GRM5: variants seen among roughly 807,000 people sequenced by gnomAD.
GRM5 encodes glutamate metabotropic receptor 5.
GRM5 carries 19 observed loss-of-function variants against 83.1 expected under a neutral mutation model. The ratio of observed to expected loss-of-function variants is 0.23; its 90% CI spans 0.16 to 0.34. The LOEUF (loss-of-function observed/expected upper bound fraction) is 0.34, where lower values mean the gene tolerates loss of function less well. GRM5 is among the 10% of genes least tolerant of loss of function. GRM5 has a pLI of 1.00. For synonymous variants in GRM5, 675 were observed against 633.6 expected (o/e 1.07, Z -0.98); for missense variants, 1,160 against 1,588.3 (o/e 0.73, Z 4.58).
At chr11:88,548,523 T>A (rs1942432061) in intron 8 of GRM5, among the ~76,000 whole-genome samples, 1 of 152,180 alleles carries the variant, frequency 6.6e-6, no homozygotes, top group South Asian at 2.1e-4. Context: ...TTCATCAAAA[T>A]CATCCAGACA....
intron 2 of GRM5, among the ~76,000 whole-genome samples, chr11:88,981,620 C>T (rs1939526799): frequency 6.6e-6 from 1 of 151,676 alleles, no homozygotes; most frequent in South Asian, 2.1e-4. Flanking sequence ...AAAATTATTT[C>T]TCTACCCCCC....
chr11:88,962,005 T>A (rs1938798721), intron 2 of GRM5, among the ~76,000 whole-genome samples: 1 of 152,172 alleles, frequency 6.6e-6, no homozygotes. Flanking sequence ...CCACAAAAAC[T>A]TGCAAGGCAT....
At chr11:88,869,564 A>G (rs1029616331) in intron 2 of GRM5, among the ~76,000 whole-genome samples, 6 of 151,386 alleles carry the variant, frequency 4.0e-5, no homozygotes, top group Non-Finnish European at 7.4e-5. Flanking sequence ...AATTTATATT[A>G]ATAAAGTATA....
Position 88,508,176 on chromosome 11 carries a change from T to A in GRM5, c.*416A>T, listed in dbSNP as rs1941230466. On this transcript the variant is annotated 3_prime_UTR_variant, in exon 10 of 10. Coordinates refer to ENST00000305447, the MANE Select transcript of GRM5 (RefSeq NM_001143831.3). This position sits in a 1 kb window ranked among gnomAD's most constrained non-coding sequence, Gnocchi z 4.2. ...AAAATGTACATTCATGTTTGGTGAATCAAAGACTCTTCTGGGAAAAGAATT... is the reference window on the plus strand; with the variant it reads ...AAAATGTACATTCATGTTTGGTGAAACAAAGACTCTTCTGGGAAAAGAATT... 1 of 154,146 alleles carries A rather than the reference T, an allele frequency of 6.5e-6. No individual in the cohort carries two copies. The highest frequency in any genetic ancestry group is 2.1e-4 in the South Asian group (1 of 4,844). 9.5% of individuals were successfully genotyped at this position (154,146 alleles called of 1,614,324 possible).
chr11:88,619,037 C>T (rs1047199612), intron 4 of GRM5, among the ~76,000 whole-genome samples: 3 of 152,156 alleles, frequency 2.0e-5, no homozygotes, highest in Admixed American at 6.5e-5. Flanking sequence ...GACCACTTAA[C>T]ATTCACTCCT....
At chr11:88,829,535 A>C (rs1416976509) in intron 3 of GRM5, among the ~76,000 whole-genome samples, 1 of 152,176 alleles carries the variant, frequency 6.6e-6, no homozygotes, top group African/African-American at 2.4e-5. Context: ...TACCAAAGAG[A>C]GTATCTAAAA....
At chr11:88,732,894 G>A (rs974846380) in intron 3 of GRM5, among the ~76,000 whole-genome samples, 10 of 151,998 alleles carry the variant, frequency 6.6e-5, no homozygotes, top group African/African-American at 2.4e-4. Context: ...CTGAGTGGCA[G>A]GGATAGATGC....
Position 88,509,139 on chromosome 11 carries a change from G to T in GRM5, c.3092C>A (p.Ser1031Ter). 1 of 1,540,944 alleles carries T rather than the reference G, an allele frequency of 6.5e-7. No homozygotes were observed. Among genetic ancestry groups the T allele is most frequent in the Non-Finnish European group, 8.7e-7 (1 of 1,144,404 alleles). ...PISTLSHRAG[S>*]ASRTDDDVPS... ...CACATCGTCGTCCGTGCGGCTGGCC[G>T]AGCCCGCGCGGTGGCTCAGCGTGCT... The change falls in exon 10 of 10, where the codon TCG becomes TAG. Residue 1031 changes from serine to a stop codon, truncating the protein, a stop_gained. Coordinates refer to ENST00000305447, the MANE Select transcript of GRM5 (RefSeq NM_001143831.3). LOFTEE classifies it low-confidence loss of function (END_TRUNC).
In GRM5 at chr11:88,554,813, A is replaced by G. The variant is rs115831942; in HGVS notation, c.2630+12240T>C. Among the ~76,000 whole-genome samples, 1,293 of 152,260 alleles carry G rather than the reference A, an allele frequency of 8.5e-3. 21 individuals carry two copies. Among genetic ancestry groups the G allele is most frequent in the African/African-American group, 0.03 (1,239 of 41,570 alleles). ...TTTTCACATAATCTCTGAGACTGCTATGGAATTTACCAGATGGGCAGAGTG... is the reference window on the plus strand; with the variant it reads ...TTTTCACATAATCTCTGAGACTGCTGTGGAATTTACCAGATGGGCAGAGTG... On this transcript the variant is annotated intron_variant, in intron 8 of 9. Coordinates refer to ENST00000305447, the MANE Select transcript of GRM5 (RefSeq NM_001143831.3).
intron 2 of GRM5, among the ~76,000 whole-genome samples, chr11:88,942,141 T>C (rs1314208425): frequency 1.3e-5 from 2 of 152,098 alleles, no homozygotes; most frequent in South Asian, 2.1e-4. Context: ...ATGGCCTGTG[T>C]ATAATGATAG....
At chr11:88,557,885 A>C (rs142044400) in intron 8 of GRM5, among the ~76,000 whole-genome samples, 295 of 151,782 alleles carry the variant, frequency 1.9e-3, no homozygotes, top group African/African-American at 6.8e-3. Context: ...TATTTCTCCT[A>C]ATGCTATCCC....
chr11:88,928,665 GA>G (rs1474141727), intron 2 of GRM5, among the ~76,000 whole-genome samples: 1 of 151,752 alleles, frequency 6.6e-6, no homozygotes, highest in African/African-American at 2.4e-5. Flanking sequence ...AAACACATTG[GA>G]AGGACTAGTT....
At chr11:88,887,923 C>T (rs991378793) in intron 2 of GRM5, among the ~76,000 whole-genome samples, 1 of 152,016 alleles carries the variant, frequency 6.6e-6, no homozygotes, top group African/African-American at 2.4e-5. Context: ...GAGAATAATT[C>T]CCCAAAATGA....
intron 7 of GRM5, among the ~76,000 whole-genome samples, chr11:88,573,384 C>T (rs547357489): frequency 3.9e-5 from 6 of 152,128 alleles, no homozygotes; most frequent in Non-Finnish European, 8.8e-5. Context: ...ATTAATATTC[C>T]TGTAGTTACT....
At chr11:88,997,904 T>A (rs181656430) in intron 2 of GRM5, among the ~76,000 whole-genome samples, 2 of 152,254 alleles carry the variant, frequency 1.3e-5, no homozygotes, top group East Asian at 3.9e-4. Context: ...ATTTTATACA[T>A]TCTCTTTCAG....
At position 88,924,426 on chromosome 11, in the gene GRM5, T is replaced by A. The variant is rs185289127; in HGVS notation, c.662-74271A>T. ...ACTCAAGTGTCCATCAGTGGATAAA[T>A]AAATTGTTATTTTATATATACATAC... On this transcript the variant is annotated intron_variant, in intron 2 of 9. Transcript: ENST00000305447. Among the ~76,000 whole-genome samples the A allele has an allele frequency of 8.2e-3, 1,245 of 152,146 alleles. 13 individuals are homozygous for A. The highest frequency in any genetic ancestry group is 0.029 in the African/African-American group (1,188 of 41,542).
chr11:88,656,181 C>T (rs185105125), intron 3 of GRM5, among the ~76,000 whole-genome samples: 37 of 151,976 alleles, frequency 2.4e-4, no homozygotes, highest in Admixed American at 7.2e-4. Context: ...AGAAAACAAA[C>T]GGATAAAGAT....
chr11:88,858,853 T>C (rs192041475), intron 2 of GRM5, among the ~76,000 whole-genome samples: 146 of 152,110 alleles, frequency 9.6e-4, no homozygotes, highest in African/African-American at 3.5e-3. Context: ...GCTAAGAGAA[T>C]AGAAGTCTGA....
intron 2 of GRM5, among the ~76,000 whole-genome samples, chr11:89,004,775 G>A (rs1940478295): frequency 6.6e-6 from 1 of 152,164 alleles, no homozygotes; most frequent in Non-Finnish European, 1.5e-5. Flanking sequence ...TGCAAGGTTG[G>A]TGAGAAAGGG....
Sources: gnomAD v4.1 joint callset for allele counts (sites outside exome capture counted in the v4.1 genomes callset) on GRCh38, gnomAD v4.1.1 for gene constraint, Gnocchi (gnomAD v3.1) non-coding constraint, MANE v1.5 for transcripts, NCBI Gene and HGNC (gene_info 2026-07-23, HGNC 2026-07-21) for gene names.